FGF14: variants seen among roughly 807,000 people sequenced by gnomAD.
FGF14 encodes the protein fibroblast growth factor 14.
Under a neutral mutation model 25.5 loss-of-function variants are expected in FGF14, and 5 were observed. That is an observed-to-expected ratio of 0.20 (90% CI 0.10 to 0.41). FGF14 has a LOEUF of 0.41. Among genes scored for constraint, FGF14 ranks in the 10% least tolerant of loss-of-function variants. FGF14 has a pLI of 1.00. For synonymous variants in FGF14, 138 were observed against 118.3 expected (o/e 1.17, Z -1.08); for missense variants, 222 against 320.1 (o/e 0.69, Z 2.34).
intron 1 of FGF14, among the ~76,000 whole-genome samples, chr13:102,397,493 A>G (rs993761933): frequency 2.0e-5 from 3 of 152,202 alleles, no homozygotes; most frequent in Non-Finnish European, 4.4e-5. Context: ...TCGTACTAAC[A>G]CTGGGCACTG....
At chr13:102,395,279 A>T (rs1237915074) in intron 1 of FGF14, 1 of 152,196 alleles carries the variant, frequency 6.6e-6, no homozygotes. Flanking sequence ...AAAATTAAAG[A>T]TTAAAAAAGA....
chr13:101,815,934 A>G (rs2041821315), intron 3 of FGF14, among the ~76,000 whole-genome samples: 2 of 152,138 alleles, frequency 1.3e-5, no homozygotes, highest in South Asian at 2.1e-4. Context: ...TTAACAGTCA[A>G]ATTAAAACTT....
intron 1 of FGF14, among the ~76,000 whole-genome samples, chr13:102,023,486 C>A (rs954286641): frequency 3.9e-5 from 6 of 151,912 alleles, no homozygotes; most frequent in African/African-American, 1.4e-4. Flanking sequence ...TTATGGTGTA[C>A]AATTTAGTGT....
At chr13:101,754,263 C>A (rs1428186766) in intron 3 of FGF14, among the ~76,000 whole-genome samples, 6 of 152,142 alleles carry the variant, frequency 3.9e-5, no homozygotes, top group African/African-American at 1.4e-4. Flanking sequence ...GAGCCATCCA[C>A]CCATGTGTGT....
chr13:102,120,716 T>A (rs76983745), intron 1 of FGF14, among the ~76,000 whole-genome samples: 4 of 151,818 alleles, frequency 2.6e-5, no homozygotes, highest in Admixed American at 1.3e-4. Context: ...TTTTTTTTTT[T>A]TTTTCGAGAC....
intron 3 of FGF14, among the ~76,000 whole-genome samples, chr13:101,841,143 T>G (rs1418044040): frequency 3.3e-5 from 5 of 151,934 alleles, no homozygotes; most frequent in African/African-American, 4.8e-5. Context: ...AGTTCTCCTT[T>G]GATTTAAAAA....
At chr13:102,177,125 C>G (rs569111055) in intron 1 of FGF14, among the ~76,000 whole-genome samples, 2 of 152,136 alleles carry the variant, frequency 1.3e-5, no homozygotes, top group African/African-American at 2.4e-5. Flanking sequence ...ATACAACACA[C>G]GTTCATTGAT....
intron 3 of FGF14, among the ~76,000 whole-genome samples, chr13:101,851,992 G>A (rs758402964): frequency 3.3e-5 from 5 of 152,116 alleles, no homozygotes; most frequent in Non-Finnish European, 5.9e-5. Context: ...GGTCAGCCGT[G>A]CCTAGGGCTG....
At chr13:101,963,251 T>C (rs751394526) in intron 1 of FGF14, among the ~76,000 whole-genome samples, 20 of 152,376 alleles carry the variant, frequency 1.3e-4, no homozygotes, top group Non-Finnish European at 2.6e-4. Flanking sequence ...GTGACTCTTC[T>C]ATTCTAGAAA....
chr13:101,838,299 G>A (rs2043025958), intron 3 of FGF14, among the ~76,000 whole-genome samples: 1 of 151,836 alleles, frequency 6.6e-6, no homozygotes, highest in African/African-American at 2.4e-5. Context: ...ACTTCCTGCA[G>A]CCCTCGGTTT....
intron 1 of FGF14, among the ~76,000 whole-genome samples, chr13:102,023,043 G>GACACACACACACAC (rs59221538): frequency 3.1e-4 from 46 of 146,302 alleles, no homozygotes; most frequent in East Asian, 1.5e-3. Context: ...AATATTTTCG[G>GACACACACACACAC]ACACACACAC....
At chr13:102,142,479 G>A (rs1293487348) in intron 1 of FGF14, among the ~76,000 whole-genome samples, 1 of 152,052 alleles carries the variant, frequency 6.6e-6, no homozygotes, top group Non-Finnish European at 1.5e-5. Context: ...TGTCTGACAA[G>A]TACTAATAAC....
intron 1 of FGF14, among the ~76,000 whole-genome samples, chr13:102,143,391 A>G (rs769761485): frequency 2.6e-5 from 4 of 152,200 alleles, no homozygotes; most frequent in Non-Finnish European, 4.4e-5. Context: ...TATGTAATAT[A>G]TTAAATGCAA....
chr13:102,290,194 G>A (rs1008004699), intron 1 of FGF14, among the ~76,000 whole-genome samples: 3 of 152,044 alleles, frequency 2.0e-5, no homozygotes, highest in Non-Finnish European at 4.4e-5. Flanking sequence ...GAGGTGCTTA[G>A]GTCATAAGAC....
chr13:101,768,831 T>C (rs746157496), intron 3 of FGF14, among the ~76,000 whole-genome samples: 5 of 152,136 alleles, frequency 3.3e-5, no homozygotes, highest in Non-Finnish European at 5.9e-5. Flanking sequence ...ATGGATCACG[T>C]AAATAAATGT....
At chr13:101,806,220 G>GACCAGC (rs1566924389) in intron 3 of FGF14, among the ~76,000 whole-genome samples, 1 of 151,980 alleles carries the variant, frequency 6.6e-6, no homozygotes, top group Middle Eastern at 3.4e-3. Context: ...AGGAGTTCAA[G>GACCAGC]ACCAGCCTGG....
chr13:102,218,607 A>AT (rs771075609), intron 1 of FGF14, among the ~76,000 whole-genome samples: 4 of 151,758 alleles, frequency 2.6e-5, no homozygotes, highest in Non-Finnish European at 5.9e-5. Context: ...ATCCCATCAT[A>AT]TTTATTTCTA....
chr13:102,142,072 T>G (rs979496273), intron 1 of FGF14, among the ~76,000 whole-genome samples: 1 of 152,096 alleles, frequency 6.6e-6, no homozygotes, highest in Admixed American at 6.6e-5. Context: ...TAATAAAAAT[T>G]AAATGGCTAC....
intron 1 of FGF14, among the ~76,000 whole-genome samples, chr13:102,220,754 T>C (rs895104291): frequency 6.6e-6 from 1 of 152,224 alleles, no homozygotes; most frequent in Non-Finnish European, 1.5e-5. Flanking sequence ...TTTACTAATG[T>C]GCTCCTTATT....
Sources: gnomAD v4.1 joint callset for allele counts (sites outside exome capture counted in the v4.1 genomes callset) on GRCh38, gnomAD v4.1.1 for gene constraint, MANE v1.5 for transcripts, NCBI Gene and HGNC (gene_info 2026-07-23, HGNC 2026-07-21) for gene names.